PUDP: variants seen among roughly 807,000 people sequenced by gnomAD.
PUDP encodes the protein pseudouridine 5'-phosphatase, also known as pseudouridine-5'-phosphatase.
PUDP carries 8 observed loss-of-function variants against 9.4 expected under a neutral mutation model. The observed-to-expected ratio is 0.85, with a 90% CI of 0.50 to 1.53. The LOEUF (loss-of-function observed/expected upper bound fraction) is 1.53, where lower values mean the gene tolerates loss of function less well. Ranked by LOEUF, PUDP falls within the 40% of genes most tolerant of loss-of-function variation. PUDP has a pLI of 0.00. For synonymous variants in PUDP, 99 were observed against 80.7 expected, an observed-to-expected ratio of 1.23 and a Z score of -1.22; for missense variants, 188 against 189.7, an observed-to-expected ratio of 0.99 and a Z score of 0.05.
chrX:6,992,433 C>T (rs867473556), intron 1 of PUDP, among the ~76,000 whole-genome samples: 110 of 104,752 alleles, frequency 1.1e-3, no homozygotes, highest in African/African-American at 3.5e-3. Context: ...CCACCGTGCC[C>T]GGCTAATTTT....
At chrX:6,989,390 T>C (rs985739095) in intron 1 of PUDP, 16 of 147,036 alleles carry the variant, frequency 1.1e-4, no homozygotes, top group South Asian at 1.8e-4. Flanking sequence ...TTGGATACAA[T>C]AGAAAATGTA....
At chrX:6,948,820 C>T (rs1928508073) in intron 3 of PUDP, among the ~76,000 whole-genome samples, 3 of 111,964 alleles carry the variant, frequency 2.7e-5, no homozygotes, top group Non-Finnish European at 3.8e-5. Flanking sequence ...CATGGATGTT[C>T]CAGGGTTTTT....
chrX:7,127,369 T>C (rs1932511508), intron 1 of PUDP, among the ~76,000 whole-genome samples: 1 of 112,383 alleles, frequency 8.9e-6, no homozygotes, highest in Admixed American at 9.4e-5. Context: ...GAGGTGTTAC[T>C]GTCAGTCAAA....
At chrX:7,066,673 T>C (rs1930563598) in intron 3 of PUDP, among the ~76,000 whole-genome samples, 1 of 111,306 alleles carries the variant, frequency 9.0e-6, no homozygotes, top group Non-Finnish European at 1.9e-5. Context: ...TACTGGTCCA[T>C]GGCCAGGGGA....
chrX:6,977,343 T>G (rs1928970911), intron 2 of PUDP, among the ~76,000 whole-genome samples: 1 of 111,638 alleles, frequency 9.0e-6, no homozygotes, highest in East Asian at 2.8e-4. Flanking sequence ...AAGCAAAACT[T>G]TGCTGCCCTG....
intron 3 of PUDP, among the ~76,000 whole-genome samples, chrX:6,969,569 A>C (rs1236133082): frequency 8.9e-6 from 1 of 112,565 alleles, no homozygotes; most frequent in African/African-American, 3.2e-5. Context: ...CTAAACACAA[A>C]GTACTTTCCC....
chrX:7,059,590 G>C (rs1930342893), intron 3 of PUDP, among the ~76,000 whole-genome samples: 2 of 112,089 alleles, frequency 1.8e-5, no homozygotes, highest in Non-Finnish European at 3.8e-5. Flanking sequence ...ACAGACTCGG[G>C]AAGATTAGCC....
At chrX:6,758,417 G>A (rs190748549) in intron 3 of PUDP, among the ~76,000 whole-genome samples, 21 of 111,581 alleles carry the variant, frequency 1.9e-4, no homozygotes, top group African/African-American at 6.5e-4. Flanking sequence ...GAGCTGTGAC[G>A]GCGTCACTGC....
chrX:6,760,429 C>A (rs1319801425), intron 3 of PUDP, among the ~76,000 whole-genome samples: 2 of 112,134 alleles, frequency 1.8e-5, no homozygotes, highest in African/African-American at 6.5e-5. Context: ...GAAGATATTG[C>A]TCTTGTTAAA....
chrX:6,859,952 G>A (rs774788090), intron 3 of PUDP, among the ~76,000 whole-genome samples: 44 of 112,383 alleles, frequency 3.9e-4, no homozygotes, highest in African/African-American at 8.4e-4. Context: ...CTGCAATGCC[G>A]TATCTCAGTG....
intron 1 of PUDP, among the ~76,000 whole-genome samples, chrX:7,132,048 A>G (rs1932634544): frequency 9.1e-6 from 1 of 110,445 alleles, no homozygotes; most frequent in African/African-American, 3.3e-5. Context: ...AATGATGATA[A>G]TATAGAAGAA....
intron 3 of PUDP, among the ~76,000 whole-genome samples, chrX:7,070,234 A>G (rs911022144): frequency 8.9e-6 from 1 of 112,549 alleles, no homozygotes; most frequent in South Asian, 3.7e-4. Flanking sequence ...TAAGGACAGT[A>G]ACCGTGAAGG....
intron 3 of PUDP, among the ~76,000 whole-genome samples, chrX:6,895,879 C>T (rs970418133): frequency 3.6e-5 from 4 of 110,631 alleles, no homozygotes; most frequent in Non-Finnish European, 5.7e-5. Flanking sequence ...TCATAGACGG[C>T]GCCTTCTCAC....
intron 3 of PUDP, among the ~76,000 whole-genome samples, chrX:6,975,874 G>T (rs1177494194): frequency 2.7e-5 from 3 of 112,397 alleles, no homozygotes; most frequent in African/African-American, 9.7e-5. Context: ...GACTTGGGCT[G>T]CTGCCTTTCT....
chrX:7,102,433 A>T (rs2146894756), intron 2 of PUDP, among the ~76,000 whole-genome samples: 1 of 110,307 alleles, frequency 9.1e-6, no homozygotes. Flanking sequence ...AAAAAAAACT[A>T]CCTCAACATA....
chrX:6,904,542 C>T (rs1410673598), intron 3 of PUDP, among the ~76,000 whole-genome samples: 2 of 111,106 alleles, frequency 1.8e-5, no homozygotes, highest in Non-Finnish European at 3.8e-5. Context: ...AGCTACCAAA[C>T]TGTCTCCACC....
chrX:6,815,516 C>CA (rs371320911), intron 3 of PUDP, among the ~76,000 whole-genome samples: 55 of 111,346 alleles, frequency 4.9e-4, no homozygotes, highest in Admixed American at 1.5e-3. Flanking sequence ...AAGAATTTGT[C>CA]AAAAAAACAT....
chrX:6,872,468 G>A (rs1927189705), intron 3 of PUDP, among the ~76,000 whole-genome samples: 1 of 110,653 alleles, frequency 9.0e-6, no homozygotes. Context: ...GGAGGCTGAG[G>A]AGGGTGGATC....
At chrX:7,078,833 C>T (rs917411685) in intron 2 of PUDP, among the ~76,000 whole-genome samples, 3 of 111,340 alleles carry the variant, frequency 2.7e-5, no homozygotes, top group African/African-American at 9.8e-5. Context: ...CAAATGAAAT[C>T]AAGCAAAATC....
Sources: allele counts gnomAD v4.1 joint callset (sites outside exome capture counted in the v4.1 genomes callset), GRCh38; gene constraint gnomAD v4.1.1; transcripts MANE v1.5; gene names NCBI Gene and HGNC (gene_info 2026-07-23, HGNC 2026-07-21).